Variants in SEMA3C observed in about 807,000 individuals in gnomAD.
SEMA3C encodes the protein semaphorin 3C.
SEMA3C carries 47 observed loss-of-function variants against 89.4 expected under a neutral mutation model. The observed-to-expected ratio is 0.53, with a 90% CI of 0.42 to 0.67. The LOEUF (loss-of-function observed/expected upper bound fraction) is 0.67. Among genes scored for constraint, SEMA3C ranks in the 30% least tolerant of loss-of-function variants. SEMA3C has a pLI of 0.00. For synonymous variants in SEMA3C, 310 were observed against 320.2 expected (o/e 0.97, Z 0.34); for missense variants, 839 against 929.1 (o/e 0.90, Z 1.26).
At chr7:80,765,044 C>T in intron 13 of SEMA3C, 111 bp downstream of exon 13, 2 of 659,982 alleles carry the variant, frequency 3.0e-6, no homozygotes, top group Non-Finnish European at 5.0e-6. Context: ...AAATTCATAA[C>T]ATTCATTTAT....
intron 2 of SEMA3C, among the ~76,000 whole-genome samples, chr7:80,904,860 G>T (rs539673368): frequency 1.3e-5 from 2 of 152,178 alleles, no homozygotes; most frequent in South Asian, 4.1e-4. Flanking sequence ...TCTAGGTAAC[G>T]TACAGCCAAG....
At chr7:80,858,889 G>A (rs563970125) in intron 2 of SEMA3C, among the ~76,000 whole-genome samples, 5 of 152,278 alleles carry the variant, frequency 3.3e-5, no homozygotes, top group African/African-American at 1.2e-4. Flanking sequence ...CCCAAGATGT[G>A]TAGAACAGAA....
chr7:80,871,828 T>C (rs1791066219), intron 2 of SEMA3C, among the ~76,000 whole-genome samples: 2 of 152,326 alleles, frequency 1.3e-5, no homozygotes, highest in African/African-American at 4.8e-5. Context: ...GAACTATTTT[T>C]TGGTCTATGT....
upstream of SEMA3C, among the ~76,000 whole-genome samples, chr7:80,920,098 A>G (rs1349085137): frequency 1.3e-5 from 2 of 152,190 alleles, no homozygotes; most frequent in East Asian, 1.9e-4. Flanking sequence ...GAGTTATGCC[A>G]ACAGATTGCC....
intron 16 of SEMA3C, 140 bp from the exon 17 acceptor site, chr7:80,749,168 G>T: frequency 1.1e-6 from 1 of 873,158 alleles, no homozygotes; most frequent in Non-Finnish European, 1.6e-6. Flanking sequence ...AAAAACAGTG[G>T]TAATCATTTA....
intron 2 of SEMA3C, among the ~76,000 whole-genome samples, chr7:80,905,322 GA>G (rs1363011731): frequency 3.3e-5 from 3 of 90,098 alleles, no homozygotes; most frequent in Non-Finnish European, 2.3e-5. Context: ...GAGGGGGAGA[GA>G]GGGGGAGGGG....
At chr7:80,908,124 C>A (rs1792057667) in intron 2 of SEMA3C, among the ~76,000 whole-genome samples, 1 of 152,094 alleles carries the variant, frequency 6.6e-6, no homozygotes, top group African/African-American at 2.4e-5. Context: ...TTGGAATTGT[C>A]TTTTCACATG....
rs1312163098 is a variant in SEMA3C at position 80,743,577 on chromosome 7, A to G, written c.*1317T>C. 1.3e-5 allele frequency: 2 copies of G among 151,926 alleles called. No individual in the cohort carries two copies. Among genetic ancestry groups the G allele is most frequent in the Non-Finnish European group, 2.9e-5 (2 of 67,838 alleles). The allele number at this position is 151,926 out of a possible 1,614,324, so 9.4% of individuals were successfully genotyped here. On this transcript the variant is annotated 3_prime_UTR_variant, in exon 18 of 18. Coordinates refer to ENST00000265361, the MANE Select transcript of SEMA3C (RefSeq NM_006379.5). The stretch of plus-strand genomic sequence containing the variant: ...GTAGTGTTTTTAAAATATATATGAG[A>G]GCATGAATAATTTTTTTCACATTTT...
intron 2 of SEMA3C, among the ~76,000 whole-genome samples, chr7:80,908,111 G>C (rs567206919): frequency 1.8e-4 from 27 of 152,166 alleles, no homozygotes; most frequent in African/African-American, 5.5e-4. Context: ...AATTATAGTT[G>C]CATTGGAATT....
chr7:80,760,191 TG>T (rs1788154064), intron 14 of SEMA3C, among the ~76,000 whole-genome samples: 1 of 152,312 alleles, frequency 6.6e-6, no homozygotes, highest in East Asian at 1.9e-4. Flanking sequence ...TAATTATCCT[TG>T]CCTTGAATCT....
In SEMA3C at chr7:80,900,685, A is replaced by G. The variant is rs184218691; in HGVS notation, c.103+15994T>C. 2.4e-3 allele frequency among the ~76,000 whole-genome samples: 371 copies of G among 152,266 alleles called. 2 individuals are homozygous for G. Among genetic ancestry groups the G allele is most frequent in the African/African-American group, 8.6e-3 (358 of 41,558 alleles). ...GCAGAGGTTGTGCAGAAGGGAATCA[A>G]TTGTTTCCATTTTGGTTTGAACAAG... On this transcript the variant is annotated intron_variant, in intron 2 of 17. Transcript: ENST00000265361.
chr7:80,909,255 T>C (rs1418251629), intron 2 of SEMA3C, among the ~76,000 whole-genome samples: 1 of 152,192 alleles, frequency 6.6e-6, no homozygotes, highest in Non-Finnish European at 1.5e-5. Context: ...GTTAAGGTTT[T>C]CTTTCTGCTG....
chr7:80,904,227 G>T (rs537110483), intron 2 of SEMA3C, among the ~76,000 whole-genome samples: 1 of 152,186 alleles, frequency 6.6e-6, no homozygotes, highest in Non-Finnish European at 1.5e-5. Context: ...TTTTAGTAGA[G>T]ACTAGATTTC....
chr7:80,879,856 G>C (rs775848197), intron 2 of SEMA3C, among the ~76,000 whole-genome samples: 1 of 151,978 alleles, frequency 6.6e-6, no homozygotes, highest in Non-Finnish European at 1.5e-5. Context: ...ACCTCTTCAG[G>C]GTGACATGGA....
At chr7:80,859,060 G>A (rs950088622) in intron 2 of SEMA3C, among the ~76,000 whole-genome samples, 4 of 151,254 alleles carry the variant, frequency 2.6e-5, no homozygotes, top group East Asian at 1.9e-4. Context: ...AAACTCCCTC[G>A]TGAAACAGGC....
intron 14 of SEMA3C, 59 bp from the exon 15 acceptor site, chr7:80,758,547 C>A: frequency 6.7e-7 from 1 of 1,502,394 alleles, no homozygotes; most frequent in African/African-American, 1.4e-5. Flanking sequence ...AGACTTTCAG[C>A]AGGAACACAT....
intron 12 of SEMA3C, among the ~76,000 whole-genome samples, chr7:80,769,914 C>A (rs1583861457): frequency 6.8e-6 from 1 of 147,544 alleles, no homozygotes; most frequent in African/African-American, 2.5e-5. Flanking sequence ...TGCTTTTTAT[C>A]CATTTGCAGT....
At chr7:80,777,527 G>A (rs1186481301) in intron 12 of SEMA3C, among the ~76,000 whole-genome samples, 1 of 152,094 alleles carries the variant, frequency 6.6e-6, no homozygotes, top group South Asian at 2.1e-4. Context: ...CCTGACCTCA[G>A]GTGATCCACC....
chr7:80,911,652 T>TGCTCAGGCTGGAGTACAATG (rs547390803), intron 2 of SEMA3C, among the ~76,000 whole-genome samples: 9 of 151,488 alleles, frequency 5.9e-5, no homozygotes, highest in East Asian at 3.9e-4. Flanking sequence ...CTCACTCTCT[T>TGCTCAGGCTGGAGTACAATG]GCTCAGGCTG....
Sources: allele counts gnomAD v4.1 joint callset (sites outside exome capture counted in the v4.1 genomes callset), GRCh38; gene constraint gnomAD v4.1.1; transcripts MANE v1.5; gene names NCBI Gene and HGNC (gene_info 2026-07-23, HGNC 2026-07-21).